The following NAV3 variants were observed in gnomAD, a reference collection of about 807,000 sequenced individuals.
NAV3 encodes the protein neuron navigator 3.
NAV3 carries 87 observed loss-of-function variants against 244.7 expected under a neutral mutation model. That is an observed-to-expected ratio of 0.36 (90% CI 0.30 to 0.42). NAV3 has a LOEUF of 0.42. NAV3 is among the 20% of genes least tolerant of loss of function. NAV3 has a pLI of 1.00. For synonymous variants in NAV3, 1,126 were observed against 1,042.2 expected (o/e 1.08, Z -1.55); for missense variants, 2,663 against 2,893.3 (o/e 0.92, Z 1.83).
chr12:77,624,262 T>C (rs931870295), intron 2 of NAV3, among the ~76,000 whole-genome samples: 1 of 152,182 alleles, frequency 6.6e-6, no homozygotes, highest in Admixed American at 6.5e-5. Context: ...AATCACTCAG[T>C]GCAAAAGCTG....
chr12:78,117,158 C>CTTATATATATATATATATATATATAT (rs1555292748), intron 13 of NAV3, among the ~76,000 whole-genome samples: 1 of 70,370 alleles, frequency 1.4e-5, no homozygotes, highest in Non-Finnish European at 2.6e-5. Flanking sequence ...ACAGAAGCAG[C>CTTATATATATATATATATATATATAT]ATATATATAT....
intron 2 of NAV3, among the ~76,000 whole-genome samples, chr12:77,803,616 G>C (rs904164388): frequency 1.3e-5 from 2 of 152,158 alleles, no homozygotes; most frequent in African/African-American, 4.8e-5. Context: ...GTAGTAGAAT[G>C]ATTTAAAATC....
chr12:77,761,098 T>C (rs1445553137), intron 2 of NAV3, among the ~76,000 whole-genome samples: 1 of 152,192 alleles, frequency 6.6e-6, no homozygotes, highest in Non-Finnish European at 1.5e-5. Flanking sequence ...CATGCCATCA[T>C]CCAGGCTGGA....
chr12:77,665,273 T>G (rs1873665670), intron 2 of NAV3, among the ~76,000 whole-genome samples: 1 of 152,186 alleles, frequency 6.6e-6, no homozygotes, highest in South Asian at 2.1e-4. Context: ...ATCTATATTA[T>G]TAAACTCACT....
At chr12:78,097,412 G>A (rs1355396279) in intron 12 of NAV3, among the ~76,000 whole-genome samples, 1 of 152,120 alleles carries the variant, frequency 6.6e-6, no homozygotes, top group Non-Finnish European at 1.5e-5. Flanking sequence ...CAATGTTACT[G>A]CTGCCATCTG....
intron 9 of NAV3, among the ~76,000 whole-genome samples, chr12:78,030,855 A>T (rs1343378915): frequency 6.6e-6 from 1 of 152,212 alleles, no homozygotes; most frequent in Non-Finnish European, 1.5e-5. Flanking sequence ...ATTGTGGAAT[A>T]ACATGAAAAT....
intron 2 of NAV3, among the ~76,000 whole-genome samples, chr12:77,804,572 A>G (rs1871876795): frequency 6.6e-6 from 1 of 152,174 alleles, no homozygotes; most frequent in African/African-American, 2.4e-5. Flanking sequence ...TGGTTACTGT[A>G]GCCTTGTAGT....
intron 2 of NAV3, among the ~76,000 whole-genome samples, chr12:77,825,688 C>T (rs996053850): frequency 1.3e-5 from 2 of 151,824 alleles, no homozygotes; most frequent in East Asian, 3.9e-4. Flanking sequence ...CATTTAGGAC[C>T]CCCACTCACA....
chr12:77,758,418 C>A (rs1169154350), intron 2 of NAV3, among the ~76,000 whole-genome samples: 1 of 152,206 alleles, frequency 6.6e-6, no homozygotes, highest in Admixed American at 6.5e-5. Flanking sequence ...TAAGTAAATA[C>A]ATGAAATATA....
chr12:77,639,420 C>A (rs1349804808), intron 2 of NAV3, among the ~76,000 whole-genome samples: 1 of 152,102 alleles, frequency 6.6e-6, no homozygotes, highest in Non-Finnish European at 1.5e-5. Flanking sequence ...CTATAGCACT[C>A]ATTATGATCT....
chr12:77,766,771 T>TTTTTTTTTTTTTAG, intron 2 of NAV3, among the ~76,000 whole-genome samples: 1 of 95,480 alleles, frequency 1.0e-5, no homozygotes, highest in African/African-American at 4.3e-5. Context: ...TTTTTTTTTT[T>TTTTTTTTTTTTTAG]GAGACGGAGT....
intron 2 of NAV3, among the ~76,000 whole-genome samples, chr12:77,685,238 A>G (rs923153590): frequency 1.3e-5 from 2 of 152,204 alleles, no homozygotes; most frequent in African/African-American, 4.8e-5. Context: ...TCTTTTAACC[A>G]GGCTTCCTGT....
chr12:77,679,033 G>A (rs543024737), intron 2 of NAV3, among the ~76,000 whole-genome samples: 100 of 152,206 alleles, frequency 6.6e-4, no homozygotes, highest in Non-Finnish European at 1.1e-3. Context: ...TATTTTACTT[G>A]TGAACAAAAG....
At chr12:78,152,022 T>A (rs1432608528) in intron 22 of NAV3, among the ~76,000 whole-genome samples, 2 of 151,604 alleles carry the variant, frequency 1.3e-5, no homozygotes, top group East Asian at 3.9e-4. Context: ...CACCTAAAGA[T>A]CTACGACAGT....
chr12:77,772,891 C>T (rs1951143910), intron 2 of NAV3, among the ~76,000 whole-genome samples: 1 of 152,126 alleles, frequency 6.6e-6, no homozygotes, highest in African/African-American at 2.4e-5. Context: ...CCAGCTGTTC[C>T]TCTCTCCTTT....
intron 7 of NAV3, among the ~76,000 whole-genome samples, chr12:78,003,253 A>G (rs1873632609): frequency 2.6e-5 from 4 of 151,878 alleles, no homozygotes; most frequent in Non-Finnish European, 5.9e-5. Context: ...CTTCAACTTA[A>G]TTTTTTTAAA....
At chr12:77,748,908 A>G (rs1161149448) in intron 2 of NAV3, among the ~76,000 whole-genome samples, 2 of 152,230 alleles carry the variant, frequency 1.3e-5, no homozygotes, top group East Asian at 1.9e-4. Context: ...ATTGACAACT[A>G]GGTGAGGTGA....
intron 2 of NAV3, among the ~76,000 whole-genome samples, chr12:77,789,047 C>T (rs528808089): frequency 2.0e-5 from 3 of 152,218 alleles, no homozygotes; most frequent in Admixed American, 6.5e-5. Context: ...GACTCTTCTA[C>T]GTTCCTAACA....
chr12:77,906,662 AT>A (rs1235080660), intron 1 of NAV3, among the ~76,000 whole-genome samples: 10 of 152,076 alleles, frequency 6.6e-5, no homozygotes, highest in African/African-American at 2.4e-4. Flanking sequence ...TAGTTATGTG[AT>A]TTGGACATGT....
Sources: gnomAD v4.1 joint callset for allele counts (sites outside exome capture counted in the v4.1 genomes callset) on GRCh38, gnomAD v4.1.1 for gene constraint, MANE v1.5 for transcripts, NCBI Gene and HGNC (gene_info 2026-07-23, HGNC 2026-07-21) for gene names.